CLDN19: variants seen among roughly 807,000 people sequenced by gnomAD.
CLDN19 encodes claudin-19.
CLDN19 carries 19 observed loss-of-function variants against 24.5 expected under a neutral mutation model. The ratio of observed to expected loss-of-function variants is 0.78; its 90% CI spans 0.54 to 1.14. The LOEUF (loss-of-function observed/expected upper bound fraction) is 1.14, where lower values mean the gene tolerates loss of function less well. Among genes scored for constraint, CLDN19 ranks in the 50% most tolerant of loss-of-function variants. The probability of loss-of-function intolerance (pLI) is 0.00; values close to 1 mark genes in which losing one functional copy is unlikely to be tolerated. For missense variants in CLDN19, 250 were observed against 295.9 expected (o/e 0.84, Z 1.14); for synonymous variants, 117 against 129.6 (o/e 0.90, Z 0.66).
chr1:42,739,316 C>T (rs1481139153), intron 1 of CLDN19, among the ~76,000 whole-genome samples: 1 of 152,188 alleles, frequency 6.6e-6, no homozygotes, highest in African/African-American at 2.4e-5. Flanking sequence ...CTCCACACCC[C>T]AGAAGGAGAG....
At position 42,735,893 on chromosome 1, in the gene CLDN19, G is replaced by A; in HGVS notation, c.611C>T (p.Ser204Phe). ...TCAGACGTACTCTCGGGCAGCAGCA[G>A]AGGGTCCAGGCCGATAGGGCTGTGG... ...SSPQPYRPGPSAAAREPVVKL... is the reference protein window; with the variant it reads ...SSPQPYRPGPFAAAREPVVKL... Residue 204 changes from serine (S) to phenylalanine (F), a missense_variant, in exon 4 of 5, where the codon TCT (serine) becomes TTT (phenylalanine). Ser to Phe is a radical substitution (Grantham distance 155). Coordinates refer to ENST00000296387, the MANE Select transcript of CLDN19 (RefSeq NM_148960.3). The A allele has an allele frequency of 1.9e-6, 3 of 1,579,292 alleles. No individual in the cohort carries two copies. Among genetic ancestry groups the A allele is most frequent in the Non-Finnish European group, 2.6e-6 (3 of 1,162,348 alleles).
intron 2 of CLDN19, 33 bp from the exon 3 acceptor site, chr1:42,738,346 C>G: frequency 6.2e-7 from 1 of 1,613,262 alleles, no homozygotes; most frequent in Non-Finnish European, 8.5e-7. Flanking sequence ...CTCAGCTCTG[C>G]TCTGGCCCCC....
chr1:42,733,292 C>T lies in CLDN19; in HGVS notation c.*1794G>A, dbSNP rs1651243524. 6.6e-6 allele frequency: 1 copy of T among 152,092 alleles called. No individual in the cohort carries two copies. The highest frequency in any genetic ancestry group is 2.4e-5 in the African/African-American group (1 of 41,382). The allele number at this position is 152,092 out of a possible 1,614,324, so 9.4% of individuals were successfully genotyped here. ...GTTTTACCATATTGGCCAGGCTAGT[C>T]TCGAACTCCTGACTTCAGGTATCTA... On this transcript the variant is annotated 3_prime_UTR_variant, in exon 5 of 5. Coordinates refer to ENST00000296387, the MANE Select transcript of CLDN19 (RefSeq NM_148960.3).
chr1:42,735,150 G>C lies in CLDN19; in HGVS notation c.627-16C>G. The C allele has an allele frequency of 6.2e-7, 1 of 1,614,050 alleles. No individual in the cohort carries two copies. The highest frequency in any genetic ancestry group is 8.5e-7 in the Non-Finnish European group (1 of 1,179,956). On this transcript the variant is annotated splice_polypyrimidine_tract_variant and intron_variant, in intron 4 of 4. Transcript: ENST00000296387. ...AACAACTGGTCTGAAAGTCAAAAGA[G>C]AGAGAGCTGGTTAGTGGAGTGAGCT...
rs752738519 is a variant in CLDN19 at position 42,735,110 on chromosome 1, G to A, written c.651C>T (p.Ser217=). The change falls in exon 5 of 5, where the codon TCC becomes TCT. Residue 217 remains serine, a synonymous_variant. Coordinates refer to ENST00000296387, the MANE Select transcript of CLDN19 (RefSeq NM_148960.3). ...ATTACACACCCAGGGGGCCCTTGGC[G>A]GAGGCGGGCAATTTAACAACTGGTC... ...AREPVVKLPA[S]AKGPLGV The A allele has an allele frequency of 3.9e-5, 63 of 1,613,576 alleles. No individual in the cohort carries two copies. The highest frequency in any genetic ancestry group is 6.7e-5 in the East Asian group (3 of 44,890).
rs1651508158 is a variant in CLDN19 at position 42,740,219 on chromosome 1, G to A, written c.-156C>T. 4 of 689,480 alleles carry A rather than the reference G, an allele frequency of 5.8e-6. No individual in the cohort carries two copies. Among genetic ancestry groups the A allele is most frequent in the East Asian group, 2.7e-5 (1 of 36,942 alleles). The allele number at this position is 689,480 out of a possible 1,614,324, so 42.7% of individuals were successfully genotyped here. ...GAAGGAGAGGTGGTGCGGCGGCAGC[G>A]GCTGGAGCAAAGGCAGTGGCTCTGG... On this transcript the variant is annotated 5_prime_UTR_variant, in exon 1 of 5. Coordinates refer to ENST00000296387, the MANE Select transcript of CLDN19 (RefSeq NM_148960.3).
At position 42,734,852 on chromosome 1, in the gene CLDN19, G is replaced by A; in HGVS notation, c.*234C>T. The A allele has an allele frequency of 1.8e-6, 1 of 562,498 alleles. No individual in the cohort carries two copies. Among genetic ancestry groups the A allele is most frequent in the Non-Finnish European group, 3.2e-6 (1 of 310,270 alleles). The allele number at this position is 562,498 out of a possible 1,614,324, so 34.8% of individuals were successfully genotyped here. A position where few individuals can be genotyped will look rare whatever the true frequency, so the allele number is the denominator to read the frequency against. On this transcript the variant is annotated 3_prime_UTR_variant, in exon 5 of 5. Coordinates refer to ENST00000296387, the MANE Select transcript of CLDN19 (RefSeq NM_148960.3). ...GGGTAGGACCTCTGAATTATTTCTT[G>A]CTTAGCCCTGGATGTGCTATGTAAC...
At chr1:42,735,260 C>T (rs1651322226) in intron 4 of CLDN19, 126 bp from the exon 5 acceptor site, 53 of 1,548,754 alleles carry the variant, frequency 3.4e-5, no homozygotes, top group Non-Finnish European at 4.5e-5. Flanking sequence ...CACAGCAGCC[C>T]TGCCTGGGGC....
intron 1 of CLDN19, 46 bp from the exon 2 acceptor site, chr1:42,738,631 G>T (rs779453641): frequency 1.3e-6 from 2 of 1,591,138 alleles, no homozygotes; most frequent in East Asian, 2.3e-5. Flanking sequence ...GGGGATGGGG[G>T]TTGGGTCGGT....
chr1:42,740,105 G>T lies in CLDN19; in HGVS notation c.-42C>A. The T allele has an allele frequency of 6.7e-7, 1 of 1,491,450 alleles. No individual in the cohort carries two copies. The highest frequency in any genetic ancestry group is 9.1e-7 in the Non-Finnish European group (1 of 1,098,086). 92.4% of individuals were successfully genotyped at this position (1,491,450 alleles called of 1,614,324 possible). ...CCGAGGGTCCCAGGACTCAGAGCTG[G>T]GCCAGGGTGCCAGCAGGGGCTTTGG... On this transcript the variant is annotated 5_prime_UTR_variant, in exon 1 of 5. Coordinates refer to ENST00000296387, the MANE Select transcript of CLDN19 (RefSeq NM_148960.3).
chr1:42,736,173 G>A, intron 3 of CLDN19, 143 bp from the exon 4 acceptor site: 1 of 624,704 alleles, frequency 1.6e-6, no homozygotes. Flanking sequence ...GATAAATTGA[G>A]GTGAATGCTC....
chr1:42,735,702 G>A (rs2124034842), intron 4 of CLDN19, 176 bp downstream of exon 4: 1 of 1,455,204 alleles, frequency 6.9e-7, no homozygotes, highest in Admixed American at 2.5e-5. Context: ...GTCTCTCTGA[G>A]GATCTGGGTC....
Position 42,739,930 on chromosome 1 carries a change from C to A in CLDN19, c.134G>T (p.Gly45Val). Residue 45 changes from glycine (G) to valine (V), a missense_variant, in exon 1 of 5, where the codon GGC (glycine) becomes GTC (valine). By Grantham distance (109) the Gly-to-Val change is moderately radical. Coordinates refer to ENST00000296387, the MANE Select transcript of CLDN19 (RefSeq NM_148960.3). ...YAGDAIITAV[G>V]LYEGLWMSCA... ...GGACATCCAGAGCCCTTCATAGAGG[C>A]CCACGGCAGTGATGATGGCGTCGCC... is the stretch of plus-strand genomic sequence containing the variant. 6.2e-7 allele frequency: 1 copy of A among 1,611,598 alleles called. No individual in the cohort carries two copies. The highest frequency in any genetic ancestry group is 1.1e-5 in the South Asian group (1 of 90,528).
rs1472412552 is a variant in CLDN19, at chr1:42,740,166, A to T, written c.-103T>A. 1.2e-6 allele frequency: 1 copy of T among 832,228 alleles called. No individual in the cohort carries two copies. The highest frequency in any genetic ancestry group is 1.7e-5 in the African/African-American group (1 of 59,400). 51.6% of individuals were successfully genotyped at this position (832,228 alleles called of 1,614,324 possible). On this transcript the variant is annotated 5_prime_UTR_variant, in exon 1 of 5. Transcript: ENST00000296387. ...GTGGGAGGAGCAGCTGGGCAGGGGG[A>T]GCAGCGAGAAGGAGGGTCAGAGGCA...
At chr1:42,735,495 C>T (rs745928043) in intron 4 of CLDN19, 47 of 1,410,524 alleles carry the variant, frequency 3.3e-5, no homozygotes, top group African/African-American at 1.4e-4. Context: ...TACTAAGGTA[C>T]GTCTTGGCCA....
At chr1:42,736,392 AGT>A (rs1651373556) in intron 3 of CLDN19, among the ~76,000 whole-genome samples, 1 of 151,978 alleles carries the variant, frequency 6.6e-6, no homozygotes, top group African/African-American at 2.4e-5. Flanking sequence ...GTTTTTTCCC[AGT>A]CACATTCTGG....
rs1450421453 is a variant in CLDN19 at position 42,738,568 on chromosome 1, G to A, written c.241C>T (p.Arg81Trp). ...LALDGHIQSA[R>W]ALMVVAVLLG... ...AGCACGGCCACCACCATCAGGGCCC[G>A]CGCTGATTGGATGTGACCTAGGGTG... The change falls in exon 2 of 5, where the codon CGG becomes TGG. Residue 81 changes from arginine to tryptophan, a missense_variant. By Grantham distance (101) the Arg-to-Trp change is moderately radical. Transcript: ENST00000296387. 4 of 1,613,758 alleles carry A rather than the reference G, an allele frequency of 2.5e-6. No individual in the cohort carries two copies. Among genetic ancestry groups the A allele is most frequent in the Non-Finnish European group, 3.4e-6 (4 of 1,180,004 alleles).
At chr1:42,738,819 A>T (rs1281605555) in intron 1 of CLDN19, among the ~76,000 whole-genome samples, 1 of 152,104 alleles carries the variant, frequency 6.6e-6, no homozygotes, top group Non-Finnish European at 1.5e-5. Context: ...TCGCCCTTGC[A>T]GGCTTTTCCG....
rs770492444 is a variant in CLDN19, at chr1:42,738,333, G to T, written c.389-20C>A. ...AGAGGCCTAAAGACAAAGCAGAGGG[G>T]CGCTCAGCTCTGCTCTGGCCCCCCG... On this transcript the variant is annotated intron_variant, in intron 2 of 4. Transcript: ENST00000296387. 7 of 1,613,454 alleles carry T rather than the reference G, an allele frequency of 4.3e-6. No homozygotes were observed. The Admixed American group carries it at 8.3e-5, about 19-fold the overall frequency.
Sources: gnomAD v4.1 joint callset for allele counts (sites outside exome capture counted in the v4.1 genomes callset) on GRCh38, gnomAD v4.1.1 for gene constraint, MANE v1.5 for transcripts, NCBI Gene and HGNC (gene_info 2026-07-23, HGNC 2026-07-21) for gene names.